The following ADAMTSL1 variants were observed in gnomAD, a reference collection of about 807,000 sequenced individuals.
The protein encoded by ADAMTSL1 is ADAMTS like 1, also known as ADAMTS-like protein 1.
Under a neutral mutation model 201.8 loss-of-function variants are expected in ADAMTSL1, and 126 were observed. The ratio of observed to expected loss-of-function variants is 0.62; its 90% confidence interval spans 0.54 to 0.72. ADAMTSL1 has a LOEUF of 0.72. Ranked by LOEUF, ADAMTSL1 falls within the 30% of genes least tolerant of loss-of-function variation. The pLI, the probability that ADAMTSL1 is intolerant of heterozygous loss-of-function variation, is 0.00. For missense variants in ADAMTSL1, 2,679 were observed against 2,277.8 expected (o/e 1.18, Z -3.59); for synonymous variants, 1,121 against 903.4 (o/e 1.24, Z -4.32).
chr9:18,181,750 C>G (rs1358904019), intron 2 of ADAMTSL1, among the ~76,000 whole-genome samples: 8 of 151,472 alleles, frequency 5.3e-5, no homozygotes, highest in Non-Finnish European at 1.2e-4. Context: ...GGATCTAGAA[C>G]TAGAAATACC....
intron 2 of ADAMTSL1, among the ~76,000 whole-genome samples, chr9:18,191,623 C>A (rs1231715332): frequency 6.6e-6 from 1 of 152,170 alleles, no homozygotes; most frequent in Non-Finnish European, 1.5e-5. Flanking sequence ...AAGACTTCTT[C>A]CCTGAATCTA....
At chr9:18,904,544 G>A (rs1830184782) in intron 26 of ADAMTSL1, among the ~76,000 whole-genome samples, 1 of 147,884 alleles carries the variant, frequency 6.8e-6, no homozygotes, top group Non-Finnish European at 1.5e-5. Flanking sequence ...TGAGGTCGGG[G>A]GATCAATTGA....
intron 1 of ADAMTSL1, among the ~76,000 whole-genome samples, chr9:18,107,712 G>A (rs994556499): frequency 3.9e-5 from 6 of 152,152 alleles, no homozygotes; most frequent in African/African-American, 7.2e-5. Context: ...AGTCCAGACT[G>A]TGTTTTATGT....
At chr9:18,018,030 T>C (rs778180667) in intron 1 of ADAMTSL1, among the ~76,000 whole-genome samples, 4 of 152,084 alleles carry the variant, frequency 2.6e-5, no homozygotes, top group Non-Finnish European at 5.9e-5. Flanking sequence ...AGTGACCTCT[T>C]TTGGTACAGC....
At chr9:18,180,417 C>T (rs1828405746) in intron 2 of ADAMTSL1, among the ~76,000 whole-genome samples, 3 of 150,816 alleles carry the variant, frequency 2.0e-5, no homozygotes, top group African/African-American at 7.3e-5. Flanking sequence ...CCTGTAGTCC[C>T]AGCTACTTGG....
At chr9:17,909,390 C>A (rs1355006028) in intron 1 of ADAMTSL1, among the ~76,000 whole-genome samples, 1 of 145,922 alleles carries the variant, frequency 6.9e-6, no homozygotes, top group Non-Finnish European at 1.5e-5. Flanking sequence ...ACATGAAGTC[C>A]TTGCCCATGC....
At chr9:18,351,461 G>A (rs1241323609) in intron 2 of ADAMTSL1, among the ~76,000 whole-genome samples, 1 of 151,838 alleles carries the variant, frequency 6.6e-6, no homozygotes, top group Non-Finnish European at 1.5e-5. Context: ...AATCTTTGGT[G>A]TTTAATTCTG....
chr9:18,183,845 A>G (rs550923878), intron 2 of ADAMTSL1, among the ~76,000 whole-genome samples: 1 of 152,236 alleles, frequency 6.6e-6, no homozygotes, highest in Non-Finnish European at 1.5e-5. Flanking sequence ...TCTTGTATGG[A>G]TAACTTTTCT....
At chr9:18,177,987 A>C (rs1023770443) in intron 2 of ADAMTSL1, among the ~76,000 whole-genome samples, 13 of 152,200 alleles carry the variant, frequency 8.5e-5, no homozygotes, top group Non-Finnish European at 1.6e-4. Flanking sequence ...GGGTGATGAA[A>C]GTGTTTTAGA....
intron 16 of ADAMTSL1, among the ~76,000 whole-genome samples, chr9:18,764,092 G>T (rs976812980): frequency 2.0e-5 from 3 of 152,022 alleles, no homozygotes; most frequent in African/African-American, 4.8e-5. Context: ...GGGTAGTAAG[G>T]GTATTTTACC....
chr9:18,707,719 G>T (rs1457543806), intron 14 of ADAMTSL1, among the ~76,000 whole-genome samples: 3 of 152,188 alleles, frequency 2.0e-5, no homozygotes, highest in Non-Finnish European at 2.9e-5. Flanking sequence ...ACTTTTTTAA[G>T]CAGCTAGAGA....
chr9:18,107,112 A>C (rs1017238307), intron 1 of ADAMTSL1, among the ~76,000 whole-genome samples: 2 of 152,106 alleles, frequency 1.3e-5, no homozygotes, highest in Non-Finnish European at 1.5e-5. Flanking sequence ...GTCTATGCCT[A>C]ATTTTTCTTG....
intron 2 of ADAMTSL1, among the ~76,000 whole-genome samples, chr9:18,333,602 G>T (rs1835116471): frequency 6.6e-6 from 1 of 152,114 alleles, no homozygotes; most frequent in African/African-American, 2.4e-5. Context: ...TTGAATAAAT[G>T]ATAGTACAGT....
Position 18,777,820 on chromosome 9 carries a change from T to A in ADAMTSL1, c.3591T>A (p.Ser1197Arg). 1 of 1,613,450 alleles carries A rather than the reference T, an allele frequency of 6.2e-7. No individual in the cohort carries two copies. The highest frequency in any genetic ancestry group is 2.2e-5 in the East Asian group (1 of 44,852). ...TGGCCCTGGCCAGCGGGACACTGAGTGTTCTTCTGCACTGTGAGGCCATCG... is the reference window on the plus strand; with the variant it reads ...TGGCCCTGGCCAGCGGGACACTGAGAGTTCTTCTGCACTGTGAGGCCATCG... ...QTVALASGTL[S>R]VLLHCEAIGH... Residue 1197 changes from serine (S) to arginine (R), a missense_variant, in exon 19 of 29, where the codon AGT becomes AGA. Coordinates refer to ENST00000380548, the MANE Select transcript of ADAMTSL1 (RefSeq NM_001040272.6).
At chr9:18,687,535 T>C (rs1830909509) in intron 13 of ADAMTSL1, among the ~76,000 whole-genome samples, 1 of 152,228 alleles carries the variant, frequency 6.6e-6, no homozygotes, top group Non-Finnish European at 1.5e-5. Flanking sequence ...CCAGCTAACA[T>C]TGGAGAGTTC....
intron 3 of ADAMTSL1, among the ~76,000 whole-genome samples, chr9:18,569,284 A>G (rs1822143718): frequency 6.6e-6 from 1 of 152,222 alleles, no homozygotes; most frequent in South Asian, 2.1e-4. Flanking sequence ...GGGAGCAAAT[A>G]AAAGGTCAGC....
chr9:18,200,052 A>G (rs1829371262), intron 2 of ADAMTSL1, among the ~76,000 whole-genome samples: 1 of 152,062 alleles, frequency 6.6e-6, no homozygotes, highest in African/African-American at 2.4e-5. Context: ...CAAAGGCATT[A>G]TTACTCCTGT....
chr9:18,665,581 T>A (rs958402594), intron 9 of ADAMTSL1, among the ~76,000 whole-genome samples: 16 of 152,122 alleles, frequency 1.1e-4, no homozygotes, highest in African/African-American at 3.9e-4. Flanking sequence ...AGGCAACCAG[T>A]GGCATGGAGG....
chr9:18,116,155 G>A (rs1024566936), intron 1 of ADAMTSL1, among the ~76,000 whole-genome samples: 5 of 152,096 alleles, frequency 3.3e-5, no homozygotes, highest in African/African-American at 9.7e-5. Context: ...TATGTTAAGA[G>A]ATTATAAATA....
Sources: allele counts gnomAD v4.1 joint callset (sites outside exome capture counted in the v4.1 genomes callset), GRCh38; gene constraint gnomAD v4.1.1; transcripts MANE v1.5; gene names NCBI Gene and HGNC (gene_info 2026-07-23, HGNC 2026-07-21).